DCPS: variants seen among roughly 807,000 people sequenced by gnomAD.
The protein encoded by DCPS is m7GpppX diphosphatase.
A neutral mutation model predicts 34.7 loss-of-function variants in DCPS; 27 were observed. The ratio of observed to expected loss-of-function variants is 0.78; its 90% confidence interval spans 0.57 to 1.07. The LOEUF (loss-of-function observed/expected upper bound fraction) is 1.07. Ranked by LOEUF, DCPS falls within the 50% of genes least tolerant of loss-of-function variation. DCPS has a pLI of 0.00. For missense variants in DCPS, 464 were observed against 436.9 expected (o/e 1.06, Z -0.55); for synonymous variants, 185 against 185.7 (o/e 1.00, Z 0.03).
At chr11:126,304,980 G>A (rs1415134749) in intron 1 of DCPS, among the ~76,000 whole-genome samples, 3 of 152,228 alleles carry the variant, frequency 2.0e-5, no homozygotes, top group Admixed American at 2.0e-4. Context: ...AACTAGTGAG[G>A]AGGCCTAGCC....
rs1462824133 is a variant in DCPS, at chr11:126,334,325, C to CTCAT, written c.522+2777_522+2780dup. 5.3e-5 allele frequency among the ~76,000 whole-genome samples: 8 copies of CTCAT among 151,712 alleles called. No individual in the cohort carries two copies. Among genetic ancestry groups the CTCAT allele is most frequent in the Non-Finnish European group, 1.0e-4 (7 of 68,010 alleles). On this transcript the variant is annotated intron_variant, in intron 3 of 5. Coordinates refer to ENST00000263579, the MANE Select transcript of DCPS (RefSeq NM_014026.6). This position sits in a 1 kb window ranked among gnomAD's most constrained non-coding sequence, Gnocchi z 5.5. ...CTCTAAGCATTTATGCGCATCACACCTCATTTATTTATTTATTTATTATTT... is the reference window on the plus strand; with the variant it reads ...CTCTAAGCATTTATGCGCATCACACCTCATTCATTTATTTATTTATTTATTATTT...
At chr11:126,343,007 T>C (rs1591393132) in intron 4 of DCPS, among the ~76,000 whole-genome samples, 1 of 146,686 alleles carries the variant, frequency 6.8e-6, no homozygotes, top group Non-Finnish European at 1.5e-5. Flanking sequence ...GAGGCGGAGG[T>C]TGCAGTGAGC....
At chr11:126,317,457 A>G (rs910847478) in intron 2 of DCPS, among the ~76,000 whole-genome samples, 5 of 151,648 alleles carry the variant, frequency 3.3e-5, no homozygotes, top group African/African-American at 1.2e-4. Context: ...CACTAATTAG[A>G]ATTATTTTTA....
rs1355894165 is a variant in DCPS at position 126,333,100 on chromosome 11, C to T, written c.522+1550C>T. Reference sequence around the variant, plus strand: ...TCAGGCAGTCCGCCTGTCTTGGCCTCCCAAAGTGCTAGGATTACAGGTGTG... The same window carrying T: ...TCAGGCAGTCCGCCTGTCTTGGCCTTCCAAAGTGCTAGGATTACAGGTGTG... On this transcript the variant is annotated intron_variant, in intron 3 of 5. Transcript: ENST00000263579. The surrounding 1 kb of genome is among the most constrained non-coding windows in gnomAD (Gnocchi z 5.7). 2.0e-5 allele frequency among the ~76,000 whole-genome samples: 3 copies of T among 152,158 alleles called. No individual in the cohort carries two copies. The highest frequency in any genetic ancestry group is 4.8e-5 in the African/African-American group (2 of 41,434).
At position 126,349,836 on chromosome 11, in the gene DCPS, TAA is replaced by T. The variant is rs913558240; in HGVS notation, c.*4224_*4225del. Among the ~76,000 whole-genome samples the T allele has an allele frequency of 6.6e-6, 1 of 152,266 alleles. No homozygotes were observed. Among genetic ancestry groups the T allele is most frequent in the African/African-American group, 2.4e-5 (1 of 41,468 alleles). Reference sequence around the variant, plus strand: ...TTAGCAAAATAAATGTTGGCAACCCTAAGTTTGTTCTATTATAATATTATTGA... The same window carrying T: ...TTAGCAAAATAAATGTTGGCAACCCTGTTTGTTCTATTATAATATTATTGA... On this transcript the variant is annotated 3_prime_UTR_variant, in exon 6 of 6. Transcript: ENST00000263579. This position sits in a 1 kb window ranked among gnomAD's most constrained non-coding sequence, Gnocchi z 5.4.
In DCPS at chr11:126,342,534, C is replaced by T. The variant is rs1211544481; in HGVS notation, c.637-773C>T. 6.6e-6 allele frequency among the ~76,000 whole-genome samples: 1 copy of T among 152,176 alleles called. No individual in the cohort carries two copies. Among genetic ancestry groups the T allele is most frequent in the East Asian group, 1.9e-4 (1 of 5,196 alleles). On this transcript the variant is annotated intron_variant, in intron 4 of 5. Coordinates refer to ENST00000263579, the MANE Select transcript of DCPS (RefSeq NM_014026.6). This position sits in a 1 kb window ranked among gnomAD's most constrained non-coding sequence, Gnocchi z 4.4. ...CCGAGTCTTTGCTCTGTTTCCTCTA[C>T]CTGAATACCCTTTCTCCAAATTCTA... is the stretch of plus-strand genomic sequence containing the variant.
chr11:126,305,886 G>T (rs1449338945), intron 1 of DCPS, among the ~76,000 whole-genome samples: 1 of 152,220 alleles, frequency 6.6e-6, no homozygotes, highest in African/African-American at 2.4e-5. Context: ...TCACTTGGGA[G>T]ACCTAGGTTC....
intron 1 of DCPS, among the ~76,000 whole-genome samples, chr11:126,304,790 G>C (rs1218665544): frequency 2.0e-5 from 3 of 152,222 alleles, no homozygotes; most frequent in Non-Finnish European, 4.4e-5. Flanking sequence ...CTGGGGATGT[G>C]GAGACGAAAG....
At chr11:126,311,016 T>C (rs538025525) in intron 2 of DCPS, among the ~76,000 whole-genome samples, 1 of 152,282 alleles carries the variant, frequency 6.6e-6, no homozygotes, top group African/African-American at 2.4e-5. Flanking sequence ...CACTGGCAAC[T>C]TTCTTTTCCT....
In DCPS at chr11:126,344,272, G is replaced by C. The variant is rs937559160; in HGVS notation, c.747+855G>C. ...CCAGCTTCCCCTGCTGCTGGGCCCC[G>C]ATCTATCTTCCCTCCTGCTCACCCA... On this transcript the variant is annotated intron_variant, in intron 5 of 5. Transcript: ENST00000263579. This position sits in a 1 kb window ranked among gnomAD's most constrained non-coding sequence, Gnocchi z 8.1. 5.3e-5 allele frequency among the ~76,000 whole-genome samples: 8 copies of C among 152,174 alleles called. No homozygotes were observed. The highest frequency in any genetic ancestry group is 1.7e-4 in the African/African-American group (7 of 41,436).
Position 126,342,477 on chromosome 11 carries a change from G to A in DCPS, c.637-830G>A, listed in dbSNP as rs572790706. ...ATCAAGTTGCTTCCTCTCCCCTTCC[G>A]TATACATTCTATGCCCTATACATTC... On this transcript the variant is annotated intron_variant, in intron 4 of 5. Transcript: ENST00000263579. This position sits in a 1 kb window ranked among gnomAD's most constrained non-coding sequence, Gnocchi z 4.4. Among the ~76,000 whole-genome samples the A allele has an allele frequency of 8.5e-5, 13 of 152,214 alleles. No individual in the cohort carries two copies. Among genetic ancestry groups the A allele is most frequent in the East Asian group, 3.9e-4 (2 of 5,178 alleles).
chr11:126,308,539 T>C (rs1951591864), intron 2 of DCPS, among the ~76,000 whole-genome samples: 1 of 152,220 alleles, frequency 6.6e-6, no homozygotes, highest in South Asian at 2.1e-4. Context: ...TTGATGGAAA[T>C]GGACAGCTGT....
rs1051298104 is a variant in DCPS at position 126,335,223 on chromosome 11, A to C, written c.523-3063A>C. Among the ~76,000 whole-genome samples the C allele has an allele frequency of 6.6e-6, 1 of 152,224 alleles. No individual in the cohort carries two copies. Among genetic ancestry groups the C allele is most frequent in the Non-Finnish European group, 1.5e-5 (1 of 68,034 alleles). On this transcript the variant is annotated intron_variant, in intron 3 of 5. Coordinates refer to ENST00000263579, the MANE Select transcript of DCPS (RefSeq NM_014026.6). The surrounding 1 kb of genome is among the most constrained non-coding windows in gnomAD (Gnocchi z 4.8). ...CAGGAGGTGATGAGGAAGGAGCAAGATGTCTCACGGGAGGTCAAGGCGGGA... is the reference window on the plus strand; with the variant it reads ...CAGGAGGTGATGAGGAAGGAGCAAGCTGTCTCACGGGAGGTCAAGGCGGGA...
rs1373347432 is a variant in DCPS, at chr11:126,334,988, G to A, written c.523-3298G>A. Among the ~76,000 whole-genome samples the A allele has an allele frequency of 6.6e-6, 1 of 152,232 alleles. No homozygotes were observed. The highest frequency in any genetic ancestry group is 2.4e-5 in the African/African-American group (1 of 41,460). On this transcript the variant is annotated intron_variant, in intron 3 of 5. Coordinates refer to ENST00000263579, the MANE Select transcript of DCPS (RefSeq NM_014026.6). The surrounding 1 kb of genome is among the most constrained non-coding windows in gnomAD (Gnocchi z 5.5). ...AACTAATGGCTCCTCCCTCCTGGGTGTTGTGGAAATTGAGAGAGGTGCCAT... is the reference window on the plus strand; with the variant it reads ...AACTAATGGCTCCTCCCTCCTGGGTATTGTGGAAATTGAGAGAGGTGCCAT...
rs1186531648 is a variant in DCPS at position 126,345,528 on chromosome 11, G to C, written c.929G>C (p.Arg310Thr). 6.2e-7 allele frequency: 1 copy of C among 1,614,024 alleles called. No homozygotes were observed. Among genetic ancestry groups the C allele is most frequent in the Admixed American group, 1.7e-5 (1 of 60,016 alleles). The change falls in exon 6 of 6, where the codon AGG becomes ACG. Residue 310 changes from arginine (R) to threonine (T), a missense_variant. By Grantham distance (71) the Arg-to-Thr change is moderately conservative. Coordinates refer to ENST00000263579, the MANE Select transcript of DCPS (RefSeq NM_014026.6). This position sits in a 1 kb window ranked among gnomAD's most constrained non-coding sequence, Gnocchi z 7.4. Reference protein sequence around the residue: ...EVIENLECDPRHYQQRTLTFA... With the variant: ...EVIENLECDPTHYQQRTLTFA... ...ATCGAGAACTTGGAGTGTGACCCTA[G>C]GCACTACCAGCAGCGCACGCTCACC...
At chr11:126,317,004 G>A (rs1462689518) in intron 2 of DCPS, among the ~76,000 whole-genome samples, 5 of 139,590 alleles carry the variant, frequency 3.6e-5, no homozygotes, top group African/African-American at 1.3e-4. Flanking sequence ...TGTCACCCAG[G>A]CTGGAGTGCA....
chr11:126,342,380 G>A lies in DCPS; in HGVS notation c.637-927G>A, dbSNP rs1402012602. On this transcript the variant is annotated intron_variant, in intron 4 of 5. Coordinates refer to ENST00000263579, the MANE Select transcript of DCPS (RefSeq NM_014026.6). This position sits in a 1 kb window ranked among gnomAD's most constrained non-coding sequence, Gnocchi z 4.4. ...CTGCCCTGGTGTTGTGTGTGCTGCT[G>A]AGCTGGCCCTTGGCTCCCTTCTCAG... 1.3e-5 allele frequency: 2 copies of A among 152,484 alleles called. No homozygotes were observed. Among genetic ancestry groups the A allele is most frequent in the African/African-American group, 4.8e-5 (2 of 41,448 alleles). The allele number at this position is 152,484 out of a possible 1,614,324, so 9.4% of individuals were successfully genotyped here.
chr11:126,305,736 TTTTG>T (rs370953461), intron 1 of DCPS, among the ~76,000 whole-genome samples: 1,600 of 152,214 alleles, frequency 0.011, 17 homozygotes, highest in East Asian at 0.03. Flanking sequence ...TTTTGTTGTT[TTTTG>T]TTTGTTTGTT....
At position 126,345,754 on chromosome 11, in the gene DCPS, G is replaced by A; in HGVS notation, c.*141G>A. Reference sequence around the variant, plus strand: ...TTGAATAAACTAGCGGGCTCACTCAGTGTGGACAGCGTGGCCTGGGAGGCA... The same window carrying A: ...TTGAATAAACTAGCGGGCTCACTCAATGTGGACAGCGTGGCCTGGGAGGCA... On this transcript the variant is annotated 3_prime_UTR_variant, in exon 6 of 6. Transcript: ENST00000263579. This position sits in a 1 kb window ranked among gnomAD's most constrained non-coding sequence, Gnocchi z 7.4. 1.5e-6 allele frequency: 2 copies of A among 1,314,958 alleles called. No individual in the cohort carries two copies. The highest frequency in any genetic ancestry group is 1.4e-5 in the South Asian group (1 of 69,462). The allele number at this position is 1,314,958 out of a possible 1,614,324, so 81.5% of individuals were successfully genotyped here.
Sources: allele counts gnomAD v4.1 joint callset (sites outside exome capture counted in the v4.1 genomes callset), GRCh38; gene constraint gnomAD v4.1.1; non-coding constraint Gnocchi (gnomAD v3.1); transcripts MANE v1.5; gene names NCBI Gene and HGNC (gene_info 2026-07-23, HGNC 2026-07-21).